The following NOMO1 variants were observed in gnomAD, a reference collection of about 807,000 sequenced individuals.
NOMO1 encodes nodal modulator 3.
NOMO1 carries 40 observed loss-of-function variants against 133.8 expected under a neutral mutation model. That is an observed-to-expected ratio of 0.30 (90% confidence interval 0.23 to 0.39). The LOEUF (loss-of-function observed/expected upper bound fraction) is 0.39. NOMO1 is among the 10% of genes least tolerant of loss of function. The pLI is 1.00. For missense variants in NOMO1, 462 were observed against 1,419.9 expected (o/e 0.33, Z 10.84); for synonymous variants, 236 against 570.5 (o/e 0.41, Z 8.36).
rs1330092111 is a variant in NOMO1 at position 14,865,011 on chromosome 16, C to CT, written c.1538-9dup. 1 of 1,608,352 alleles carries CT rather than the reference C, an allele frequency of 6.2e-7. No individual in the cohort carries two copies. Among genetic ancestry groups the CT allele is most frequent in the South Asian group, 1.1e-5 (1 of 90,826 alleles). On this transcript the variant is annotated splice_polypyrimidine_tract_variant and intron_variant, in intron 13 of 30. Transcript: ENST00000287667. Reference sequence around the variant, plus strand: ...AAGGGGTCACATGGAGCCCTCCCTTCTTTTCCCTGCAGACACCTGTGGTGA... The same window carrying CT: ...AAGGGGTCACATGGAGCCCTCCCTTCTTTTTCCCTGCAGACACCTGTGGTGA...
rs1964221156 is a variant in NOMO1 at position 14,880,068 on chromosome 16, A to C, written c.2811A>C (p.Pro937=). ...KPMMKEFRFE[P]SSQMIEVQEG... ...TGATGAAGGAGTTCCGGTTTGAGCCATCCTCACAGATGATCGAGGTGCAGG... is the reference window on the plus strand; with the variant it reads ...TGATGAAGGAGTTCCGGTTTGAGCCCTCCTCACAGATGATCGAGGTGCAGG... Residue 937 remains proline (P), a synonymous_variant, in exon 24 of 31, where the codon CCA becomes CCC. Coordinates refer to ENST00000287667, the MANE Select transcript of NOMO1 (RefSeq NM_014287.4). The C allele has an allele frequency of 5.6e-6, 9 of 1,610,920 alleles. No homozygotes were observed. The highest frequency in any genetic ancestry group is 1.3e-5 in the African/African-American group (1 of 74,332).
At chr16:14,840,730 T>C (rs1963593708) in intron 2 of NOMO1, among the ~76,000 whole-genome samples, 1 of 148,264 alleles carries the variant, frequency 6.7e-6, no homozygotes, top group Non-Finnish European at 1.5e-5. Context: ...GGCACAATTA[T>C]GGTTCACTGC....
At chr16:14,858,870 T>C (rs1333541418) in intron 11 of NOMO1, among the ~76,000 whole-genome samples, 2 of 151,928 alleles carry the variant, frequency 1.3e-5, no homozygotes, top group Non-Finnish European at 2.9e-5. Flanking sequence ...GCTTGCCTTG[T>C]AGGGAAGTCA....
chr16:14,884,743 G>T (rs1413869628), intron 27 of NOMO1, among the ~76,000 whole-genome samples: 1 of 151,906 alleles, frequency 6.6e-6, no homozygotes, highest in East Asian at 1.9e-4. Flanking sequence ...ATCTTCCAAA[G>T]AATTATAGTA....
chr16:14,875,593 A>ATGGT (rs1964147569), intron 20 of NOMO1, among the ~76,000 whole-genome samples, 171 bp downstream of exon 20: 1 of 149,100 alleles, frequency 6.7e-6, no homozygotes, highest in Non-Finnish European at 1.5e-5. Context: ...GGATGGATGG[A>ATGGT]TGGTTGGGTT....
intron 6 of NOMO1, among the ~76,000 whole-genome samples, chr16:14,851,385 T>C (rs1963757406): frequency 6.6e-6 from 1 of 151,758 alleles, no homozygotes; most frequent in South Asian, 2.1e-4. Context: ...CTGTACACTT[T>C]TCTCTGTGTT....
intron 4 of NOMO1, among the ~76,000 whole-genome samples, chr16:14,846,049 T>C (rs1207757627): frequency 7.1e-6 from 1 of 139,964 alleles, no homozygotes. Context: ...TTTTTTAAGA[T>C]GGAGTCTCCC....
chr16:14,855,995 A>G (rs1202210485), intron 9 of NOMO1, among the ~76,000 whole-genome samples: 1 of 152,096 alleles, frequency 6.6e-6, no homozygotes, highest in African/African-American at 2.4e-5. Context: ...ATAAAAAAAT[A>G]AAAAAGAAGG....
intron 23 of NOMO1, among the ~76,000 whole-genome samples, chr16:14,879,401 G>C (rs1282878846): frequency 6.6e-6 from 1 of 151,524 alleles, no homozygotes; most frequent in African/African-American, 2.4e-5. Flanking sequence ...CTTACTTGCT[G>C]TGTCCTATCA....
chr16:14,843,128 A>T (rs1447206895), intron 3 of NOMO1, among the ~76,000 whole-genome samples: 1 of 131,634 alleles, frequency 7.6e-6, no homozygotes, highest in Non-Finnish European at 1.6e-5. Context: ...ATGTTGACCC[A>T]GGCTGGTCTC....
At chr16:14,836,694 C>CTGATT (rs1441454921) in intron 1 of NOMO1, among the ~76,000 whole-genome samples, 6 of 131,244 alleles carry the variant, frequency 4.6e-5, no homozygotes, top group African/African-American at 1.7e-4. Context: ...TTCCATTTTA[C>CTGATT]TTTTTTTTTT....
chr16:14,891,332 T>C (rs1964402501), intron 29 of NOMO1, among the ~76,000 whole-genome samples: 1 of 150,652 alleles, frequency 6.6e-6, no homozygotes, highest in South Asian at 2.1e-4. Context: ...TTCAGCTCTT[T>C]GTATACTAGG....
At position 14,871,652 on chromosome 16, in the gene NOMO1, C is replaced by T. The variant is rs754537612; in HGVS notation, c.1926C>T (p.His642=). The T allele has an allele frequency of 1.2e-6, 2 of 1,610,074 alleles. No individual in the cohort carries two copies. ...GVYKVTPRSC[H]RFEQAFYTYD... ...ACAAAGTGACCCCTCGCTCCTGCCA[C>T]CGGTTTGAGCAAGCGTTCTACACCT... The change falls in exon 17 of 31, where the codon CAC becomes CAT. Residue 642 remains histidine, a synonymous_variant. Coordinates refer to ENST00000287667, the MANE Select transcript of NOMO1 (RefSeq NM_014287.4).
intron 6 of NOMO1, among the ~76,000 whole-genome samples, chr16:14,851,416 G>A (rs1004065049): frequency 3.7e-4 from 56 of 150,762 alleles, no homozygotes; most frequent in Admixed American, 8.0e-4. Flanking sequence ...TAACAAAAAT[G>A]TTTAAAAATA....
At chr16:14,845,336 C>T (rs868526157) in intron 4 of NOMO1, among the ~76,000 whole-genome samples, 2 of 151,904 alleles carry the variant, frequency 1.3e-5, no homozygotes, top group East Asian at 3.9e-4. Flanking sequence ...TGCACCCAGC[C>T]GCTGTTAGCG....
rs1208355273 is a variant in NOMO1, at chr16:14,872,270, C to T, written c.1995C>T (p.Arg665=). 1 of 906,506 alleles carries T rather than the reference C, an allele frequency of 1.1e-6. No individual in the cohort carries two copies. The highest frequency in any genetic ancestry group is 2.5e-5 in the East Asian group (1 of 40,334). The allele number at this position is 906,506 out of a possible 1,614,324, so 56.2% of individuals were successfully genotyped here. Residue 665 remains arginine, a synonymous_variant, in exon 18 of 31, where the codon CGC becomes CGT. Coordinates refer to ENST00000287667, the MANE Select transcript of NOMO1 (RefSeq NM_014287.4). ...GTATCTTGACATTGACAGCCATTCGCCACCATGTCCTTGGAACTATCACCA... is the reference window on the plus strand; with the variant it reads ...GTATCTTGACATTGACAGCCATTCGTCACCATGTCCTTGGAACTATCACCA... ...SPSILTLTAI[R]HHVLGTITTD... is the part of the protein sequence containing the mutation.
At chr16:14,849,624 G>A (rs1963726774) in intron 6 of NOMO1, among the ~76,000 whole-genome samples, 1 of 140,480 alleles carries the variant, frequency 7.1e-6, no homozygotes, top group African/African-American at 2.6e-5. Flanking sequence ...GTCTCGCTCT[G>A]TTGCCAAGAC....
chr16:14,871,527 C>A, intron 16 of NOMO1, 94 bp from the exon 17 acceptor site: 2 of 1,589,264 alleles, frequency 1.3e-6, no homozygotes, highest in Non-Finnish European at 1.7e-6. Context: ...TGAGTTTTCA[C>A]ATGCAAAGAG....
intron 25 of NOMO1, 34 bp downstream of exon 25, chr16:14,881,719 T>C (rs1964248063): frequency 6.2e-7 from 1 of 1,611,048 alleles, no homozygotes; most frequent in South Asian, 1.1e-5. Flanking sequence ...TTGGGGACTT[T>C]TTTTTCATCC....
Sources: allele counts gnomAD v4.1 joint callset (sites outside exome capture counted in the v4.1 genomes callset), GRCh38; gene constraint gnomAD v4.1.1; transcripts MANE v1.5; gene names NCBI Gene and HGNC (gene_info 2026-07-23, HGNC 2026-07-21).